The following MYO1B variants were observed in gnomAD, a reference collection of about 807,000 sequenced individuals.
The protein encoded by MYO1B is myosin IB.
In MYO1B, 72 loss-of-function variants were observed where a neutral mutation model predicts 159.7. The ratio of observed to expected loss-of-function variants is 0.45; its 90% CI spans 0.37 to 0.55. The LOEUF (loss-of-function observed/expected upper bound fraction) is 0.55. MYO1B is among the 20% of genes least tolerant of loss of function. The pLI is 0.00. For missense variants in MYO1B, 1,062 were observed against 1,364.8 expected (o/e 0.78, Z 3.50); for synonymous variants, 468 against 473.8 (o/e 0.99, Z 0.16).
intron 4 of MYO1B, among the ~76,000 whole-genome samples, chr2:191,332,031 T>G (rs1691515079): frequency 6.6e-6 from 1 of 152,224 alleles, no homozygotes; most frequent in Non-Finnish European, 1.5e-5. Flanking sequence ...GGCGCGATCT[T>G]GGCTCACTGC....
chr2:191,276,997 C>A lies in MYO1B; in HGVS notation c.102C>A (p.Asn34Lys), dbSNP rs776257687. The change falls in exon 2 of 31, where the codon AAC becomes AAA. Residue 34 changes from asparagine (N) to lysine (K), a missense_variant. Around this residue, in one of 5 missense-constraint regions of MYO1B, gnomAD observed 415 missense variants for 544.0 expected, o/e 0.76. Transcript: ENST00000392318. ...TCAATGAGGAGACCTTCATCAACAACCTCAAGAAGCGCTTTGACCACAGTG... is the reference window on the plus strand; with the variant it reads ...TCAATGAGGAGACCTTCATCAACAAACTCAAGAAGCGCTTTGACCACAGTG... ...EPLNEETFIN[N>K]LKKRFDHSEI... 10 of 1,613,852 alleles carry A rather than the reference C, an allele frequency of 6.2e-6. No individual in the cohort carries two copies. The highest frequency in any genetic ancestry group is 4.2e-6 in the Non-Finnish European group (5 of 1,179,976).
chr2:191,301,104 A>G (rs1221851928), intron 3 of MYO1B, among the ~76,000 whole-genome samples: 1 of 152,106 alleles, frequency 6.6e-6, no homozygotes, highest in Non-Finnish European at 1.5e-5. Context: ...CACATCTTTG[A>G]GCAGGGTATC....
intron 3 of MYO1B, among the ~76,000 whole-genome samples, chr2:191,325,450 T>G (rs1690992874): frequency 6.6e-6 from 1 of 152,182 alleles, no homozygotes; most frequent in African/African-American, 2.4e-5. Flanking sequence ...CAAATTTAGT[T>G]CTGTTAAACA....
intron 24 of MYO1B, among the ~76,000 whole-genome samples, chr2:191,404,323 T>C (rs1696784348): frequency 6.6e-6 from 1 of 152,200 alleles, no homozygotes; most frequent in South Asian, 2.1e-4. Context: ...ACCTGCCCTG[T>C]CGAATATCAA....
At position 191,390,376 on chromosome 2, in the gene MYO1B, G is replaced by A. The variant is rs1262506751; in HGVS notation, c.1866G>A (p.Leu622=). The part of the protein sequence containing the change: ...VCHQIRYLGL[L]ENVRVRRAGY... ...ATCAGATCAGGTACCTGGGGCTTTT[G>A]GAGAACGTCCGAGTGCGGAGGGCAG... Residue 622 remains leucine (L), a synonymous_variant, in exon 18 of 31, where the codon TTG becomes TTA. Coordinates refer to ENST00000392318, the MANE Select transcript of MYO1B (RefSeq NM_001130158.3). The A allele has an allele frequency of 6.2e-7, 1 of 1,614,248 alleles. No homozygotes were observed. The highest frequency in any genetic ancestry group is 8.5e-7 in the Non-Finnish European group (1 of 1,180,040).
chr2:191,415,993 G>T, intron 29 of MYO1B, 122 bp from the exon 30 acceptor site: 1 of 1,129,528 alleles, frequency 8.9e-7, no homozygotes. Flanking sequence ...GTTTACCTTG[G>T]GAGAATGGAT....
At chr2:191,378,495 G>A (rs1440855350) in intron 13 of MYO1B, among the ~76,000 whole-genome samples, 1 of 152,152 alleles carries the variant, frequency 6.6e-6, no homozygotes, top group African/African-American at 2.4e-5. Context: ...AGATAACAAA[G>A]TACATTGATC....
chr2:191,324,097 T>A (rs1690903097), intron 3 of MYO1B, among the ~76,000 whole-genome samples: 3 of 152,252 alleles, frequency 2.0e-5, no homozygotes, highest in South Asian at 4.1e-4. Flanking sequence ...ATGGTATGTC[T>A]TTTTCTATTT....
chr2:191,379,277 G>GT (rs1263144704), intron 13 of MYO1B: 2 of 152,682 alleles, frequency 1.3e-5, no homozygotes, highest in African/African-American at 2.4e-5. Context: ...AATGCAGTAA[G>GT]TATGACCTGT....
Position 191,423,804 on chromosome 2 carries a change from T to C in MYO1B, c.3288-33T>C, listed in dbSNP as rs192618094. On this transcript the variant is annotated intron_variant, in intron 30 of 30. Coordinates refer to ENST00000392318, the MANE Select transcript of MYO1B (RefSeq NM_001130158.3). ...TATTGTAATCATGAGCTGTTTTGTG[T>C]ATACTTTAATTTGTTTTATTCTTTT... 2.5e-6 allele frequency: 4 copies of C among 1,596,850 alleles called. No individual in the cohort carries two copies. In the Admixed American group the frequency reaches 7.1e-5, roughly 28 times the overall value.
intron 2 of MYO1B, among the ~76,000 whole-genome samples, chr2:191,295,590 G>A (rs963245354): frequency 2.0e-5 from 3 of 152,134 alleles, no homozygotes; most frequent in Non-Finnish European, 4.4e-5. Flanking sequence ...ATACTGAATT[G>A]AACGTGATCT....
chr2:191,325,540 C>T (rs552675579), intron 3 of MYO1B, among the ~76,000 whole-genome samples: 15 of 152,184 alleles, frequency 9.9e-5, no homozygotes, highest in African/African-American at 3.1e-4. Flanking sequence ...TCAAGCAACT[C>T]TATAGGGAAG....
At chr2:191,307,148 T>C (rs13021013) in intron 3 of MYO1B, among the ~76,000 whole-genome samples, 54,280 of 152,000 alleles carry the variant, frequency 0.36, 10,168 homozygotes, top group Middle Eastern at 0.52. Context: ...TGGTTATTTC[T>C]TGATTATATG....
chr2:191,323,493 C>T (rs1690858417), intron 3 of MYO1B, among the ~76,000 whole-genome samples: 1 of 152,090 alleles, frequency 6.6e-6, no homozygotes, highest in Non-Finnish European at 1.5e-5. Context: ...GATTTTCTTC[C>T]TTAGTGGTTA....
chr2:191,323,105 C>T (rs1415926052), intron 3 of MYO1B, among the ~76,000 whole-genome samples: 1 of 152,156 alleles, frequency 6.6e-6, no homozygotes, highest in Admixed American at 6.5e-5. Flanking sequence ...TGTAGATTGT[C>T]ATGGTGCTGG....
intron 1 of MYO1B, among the ~76,000 whole-genome samples, chr2:191,274,271 A>G (rs958978406): frequency 6.6e-6 from 1 of 152,242 alleles, no homozygotes; most frequent in African/African-American, 2.4e-5. Flanking sequence ...CCTGTAACTC[A>G]GCATTTCTTT....
In MYO1B at chr2:191,393,101, A is replaced by C. The variant is rs374136510; in HGVS notation, c.2105A>C (p.Gln702Pro). ...TLFKLEDLRK[Q>P]RLEDLATLIQ... ...TTCAAATTAGAAGACCTGAGGAAGC[A>C]ACGCCTGGAGGACTTGGCCACTCTC... Residue 702 changes from glutamine (Q) to proline (P), a missense_variant, in exon 20 of 31, where the codon CAA becomes CCA. By Grantham distance (76) the Gln-to-Pro change is moderately conservative. This residue lies in a region of MYO1B where 609 missense variants were observed against 744.4 expected (regional missense o/e 0.82). Transcript: ENST00000392318. 1.9e-6 allele frequency: 3 copies of C among 1,613,844 alleles called. No homozygotes were observed. The highest frequency in any genetic ancestry group is 2.5e-6 in the Non-Finnish European group (3 of 1,179,910).
At chr2:191,343,335 C>T (rs34716486) in intron 5 of MYO1B, among the ~76,000 whole-genome samples, 51,021 of 151,998 alleles carry the variant, frequency 0.34, 8,840 homozygotes, top group South Asian at 0.5. Flanking sequence ...GTCGTTTGTA[C>T]TCAGGCTCAG....
intron 7 of MYO1B, 45 bp from the exon 8 acceptor site, chr2:191,360,586 G>C (rs754979812): frequency 8.4e-7 from 1 of 1,197,036 alleles, no homozygotes; most frequent in Non-Finnish European, 1.2e-6. Flanking sequence ...TGGTGGATTT[G>C]GAAGTGAAAC....
Sources: gnomAD v4.1 joint callset for allele counts (sites outside exome capture counted in the v4.1 genomes callset) on GRCh38, gnomAD v4.1.1 for gene constraint, gnomAD v4.1.1 regional missense constraint, MANE v1.5 for transcripts, NCBI Gene and HGNC (gene_info 2026-07-23, HGNC 2026-07-21) for gene names.